Variants in MTUS2 observed in about 807,000 individuals in gnomAD.
MTUS2 encodes microtubule-associated tumor suppressor candidate 2.
Under a neutral mutation model 114.1 loss-of-function variants are expected in MTUS2, and 40 were observed. The ratio of observed to expected loss-of-function variants is 0.35; its 90% CI spans 0.27 to 0.46. MTUS2 has a LOEUF of 0.46. Among genes scored for constraint, MTUS2 ranks in the 20% least tolerant of loss-of-function variants. The pLI is 1.00. For synonymous variants in MTUS2, 688 were observed against 672.0 expected, an observed-to-expected ratio of 1.02 and a Z score of -0.37; for missense variants, 1,679 against 1,705.4, an observed-to-expected ratio of 0.98 and a Z score of 0.27.
chr13:29,321,860 T>C (rs141334996), intron 6 of MTUS2, among the ~76,000 whole-genome samples: 1 of 152,338 alleles, frequency 6.6e-6, no homozygotes, highest in East Asian at 1.9e-4. Flanking sequence ...TGACATTTTG[T>C]GTTATGAAAA....
chr13:28,831,067 T>A (rs1472742632), intron 1 of MTUS2, among the ~76,000 whole-genome samples: 1 of 151,856 alleles, frequency 6.6e-6, no homozygotes, highest in Non-Finnish European at 1.5e-5. Flanking sequence ...GTAACACACA[T>A]CCACAGGAAG....
intron 7 of MTUS2, among the ~76,000 whole-genome samples, chr13:29,325,587 A>AAGG (rs1900475186): frequency 6.9e-6 from 1 of 145,338 alleles, no homozygotes; most frequent in Non-Finnish European, 1.5e-5. Context: ...GAGGAAGAGG[A>AAGG]AGAAGAAGAA....
In MTUS2 at chr13:29,205,046, G is replaced by A. The variant is rs889721751; in HGVS notation, c.2645-76658G>A. 3.3e-5 allele frequency among the ~76,000 whole-genome samples: 5 copies of A among 152,270 alleles called. No individual in the cohort carries two copies. The East Asian group carries it at 7.8e-4, about 24-fold the overall frequency. On this transcript the variant is annotated intron_variant, in intron 5 of 15. Transcript: ENST00000612955. ...AGCAGCTGCCTTTAATTTTGTGATT[G>A]ACCTTTAAAGGTAGAAGACAGAATT...
intron 2 of MTUS2, among the ~76,000 whole-genome samples, chr13:28,955,200 A>C (rs982961626): frequency 6.6e-6 from 1 of 152,224 alleles, no homozygotes; most frequent in Non-Finnish European, 1.5e-5. Flanking sequence ...ACCTGCCCAC[A>C]GTAATACCAG....
At chr13:28,995,193 C>G (rs140043599) in intron 2 of MTUS2, among the ~76,000 whole-genome samples, 6,724 of 152,244 alleles carry the variant, frequency 0.044, 497 homozygotes, top group African/African-American at 0.15. Flanking sequence ...CCAGGTTTGT[C>G]AAAGATCAGA....
chr13:28,909,413 G>T (rs1332313673), intron 2 of MTUS2, among the ~76,000 whole-genome samples: 1 of 152,016 alleles, frequency 6.6e-6, no homozygotes, highest in Non-Finnish European at 1.5e-5. Flanking sequence ...CACGTCCCTT[G>T]TAAGTTGGAT....
chr13:29,498,225 G>C (rs547787806), intron 13 of MTUS2, among the ~76,000 whole-genome samples, 193 bp from the exon 14 acceptor site: 4 of 152,340 alleles, frequency 2.6e-5, no homozygotes, highest in African/African-American at 9.6e-5. Flanking sequence ...CTGGATTTTA[G>C]GAGGGTTCTC....
chr13:29,270,231 C>T (rs187221211), intron 5 of MTUS2, among the ~76,000 whole-genome samples: 9 of 152,274 alleles, frequency 5.9e-5, no homozygotes, highest in Non-Finnish European at 8.8e-5. Context: ...TTTAAAAATG[C>T]CTACCACAGG....
intron 2 of MTUS2, among the ~76,000 whole-genome samples, chr13:28,869,967 A>G (rs1434261048): frequency 6.6e-6 from 1 of 152,126 alleles, no homozygotes; most frequent in African/African-American, 2.4e-5. Flanking sequence ...AAATTCTTTT[A>G]TATGCATTTT....
chr13:29,105,035 A>G (rs536311521), intron 5 of MTUS2, among the ~76,000 whole-genome samples: 3 of 152,334 alleles, frequency 2.0e-5, no homozygotes, highest in South Asian at 4.1e-4. Flanking sequence ...AAATGCTCCA[A>G]AACCCAAAAT....
chr13:29,301,437 A>G (rs1229142411), intron 6 of MTUS2, among the ~76,000 whole-genome samples: 1 of 152,204 alleles, frequency 6.6e-6, no homozygotes, highest in Admixed American at 6.5e-5. Context: ...AGAGTGGTCT[A>G]CACATTTTTG....
Position 29,025,798 on chromosome 13 carries a change from A to G in MTUS2, c.1100A>G (p.Asp367Gly). The G allele has an allele frequency of 6.2e-7, 1 of 1,613,842 alleles. No individual in the cohort carries two copies. The highest frequency in any genetic ancestry group is 8.5e-7 in the Non-Finnish European group (1 of 1,179,866). The change falls in exon 3 of 16, where the codon GAC (aspartate) becomes GGC (glycine). Residue 367 changes from aspartate (D) to glycine (G), a missense_variant. Coordinates refer to ENST00000612955, the MANE Select transcript of MTUS2 (RefSeq NM_001033602.4). Reference sequence around the variant, plus strand: ...GCACTTGGCCATCTGCTGAACAGTGACCTCCACCACCTTGGGGTGGGAAGA... The same window carrying G: ...GCACTTGGCCATCTGCTGAACAGTGGCCTCCACCACCTTGGGGTGGGAAGA... The part of the protein sequence containing the change: ...TDALGHLLNS[D>G]LHHLGVGRGN...
intron 9 of MTUS2, among the ~76,000 whole-genome samples, chr13:29,472,213 T>C (rs1367459004): frequency 2.6e-5 from 4 of 151,982 alleles, no homozygotes; most frequent in South Asian, 2.1e-4. Flanking sequence ...TTAGTAGAGA[T>C]GGGGTTTCAC....
chr13:29,053,817 A>G (rs908090018), intron 4 of MTUS2, among the ~76,000 whole-genome samples: 7 of 152,104 alleles, frequency 4.6e-5, no homozygotes, highest in African/African-American at 1.7e-4. Context: ...TCACCTGTTG[A>G]TAGACATTTG....
intron 2 of MTUS2, among the ~76,000 whole-genome samples, chr13:28,938,960 A>G (rs768887407): frequency 6.6e-6 from 1 of 152,272 alleles, no homozygotes; most frequent in Non-Finnish European, 1.5e-5. Flanking sequence ...GGACTGTGCA[A>G]TCAGATTTCT....
chr13:29,241,477 A>T (rs1297137601), intron 5 of MTUS2, among the ~76,000 whole-genome samples: 1 of 152,040 alleles, frequency 6.6e-6, no homozygotes, highest in Non-Finnish European at 1.5e-5. Context: ...AGCACACTAT[A>T]CTGACTCTCT....
chr13:29,291,169 C>G (rs1898696349), intron 6 of MTUS2, among the ~76,000 whole-genome samples: 1 of 152,146 alleles, frequency 6.6e-6, no homozygotes, highest in Non-Finnish European at 1.5e-5. Flanking sequence ...TAGCAAATCA[C>G]AGAGCCCGCC....
At chr13:28,959,075 G>C (rs1049270725) in intron 2 of MTUS2, among the ~76,000 whole-genome samples, 1 of 152,132 alleles carries the variant, frequency 6.6e-6, no homozygotes, top group Non-Finnish European at 1.5e-5. Context: ...TGCCTCATCT[G>C]TCTCAGAGTG....
intron 8 of MTUS2, among the ~76,000 whole-genome samples, chr13:29,365,274 T>C (rs4604999): frequency 0.75 from 113,804 of 152,076 alleles, 42,766 homozygotes; most frequent in East Asian, 0.83. Flanking sequence ...TGGTGTCAGT[T>C]GTGCAAAACA....
Sources: gnomAD v4.1 joint callset for allele counts (sites outside exome capture counted in the v4.1 genomes callset) on GRCh38, gnomAD v4.1.1 for gene constraint, MANE v1.5 for transcripts, NCBI Gene and HGNC (gene_info 2026-07-23, HGNC 2026-07-21) for gene names.